The following NTN1 variants were observed in gnomAD, a reference collection of about 807,000 sequenced individuals.
NTN1 encodes the protein netrin 1.
A neutral mutation model predicts 54.2 loss-of-function variants in NTN1; 11 were observed. That is an observed-to-expected ratio of 0.20 (90% confidence interval 0.13 to 0.34). NTN1 has a LOEUF of 0.34. NTN1 is among the 10% of genes least tolerant of loss of function. The pLI, the probability that NTN1 is intolerant of heterozygous loss-of-function variation, is 1.00. For missense variants in NTN1, 740 were observed against 893.1 expected, an observed-to-expected ratio of 0.83 and a Z score of 2.18; for synonymous variants, 371 against 382.0, an observed-to-expected ratio of 0.97 and a Z score of 0.33.
chr17:9,010,590 C>T, the NTN1 span, among the ~76,000 whole-genome samples: 1 of 152,190 alleles, frequency 6.6e-6, no homozygotes, highest in East Asian at 1.9e-4. Flanking sequence ...GAAGAAGACT[C>T]TTAATTCTGG....
At chr17:9,163,147 GACACACAC>G (rs56255655) in intron 3 of NTN1, 146 bp downstream of exon 3, 6,961 of 522,876 alleles carry the variant, frequency 0.013, 68 homozygotes, top group African/African-American at 0.054. Context: ...CTCTCTCTGT[GACACACAC>G]ACACACACAC....
chr17:9,034,649 T>C (rs6503168), intron 2 of NTN1, among the ~76,000 whole-genome samples: 120,574 of 151,612 alleles, frequency 0.8, 48,412 homozygotes, highest in African/African-American at 0.89. Context: ...TCTCGAACTC[T>C]TGACCTCAGG....
At chr17:9,231,284 C>T (rs1192189492) in intron 6 of NTN1, among the ~76,000 whole-genome samples, 1 of 125,098 alleles carries the variant, frequency 8.0e-6, no homozygotes, top group African/African-American at 2.8e-5. Flanking sequence ...TCTGAGATAC[C>T]ATGGGGTACC....
At chr17:9,238,604 GT>G (rs1485585862) in intron 6 of NTN1, among the ~76,000 whole-genome samples, 4 of 152,178 alleles carry the variant, frequency 2.6e-5, no homozygotes, top group African/African-American at 9.7e-5. Flanking sequence ...TGCAGTCACA[GT>G]TGTTTGAGAA....
chr17:9,179,781 A>G (rs1339756779), intron 3 of NTN1, 26 bp from the exon 4 acceptor site: 2 of 1,607,674 alleles, frequency 1.2e-6, no homozygotes, highest in Non-Finnish European at 1.7e-6. Context: ...CCCTTGTCTG[A>G]CCCTCCCATT....
chr17:9,076,455 T>C (rs2092050103), intron 2 of NTN1, among the ~76,000 whole-genome samples: 1 of 152,194 alleles, frequency 6.6e-6, no homozygotes, highest in Non-Finnish European at 1.5e-5. Flanking sequence ...TCACTACAGC[T>C]GTGAGCTCCT....
Position 9,179,771 on chromosome 17 carries a change from C to T in NTN1, c.1208-36C>T, listed in dbSNP as rs1597522490. On this transcript the variant is annotated intron_variant, in intron 3 of 6. Coordinates refer to ENST00000173229, the MANE Select transcript of NTN1 (RefSeq NM_004822.3). ...CTGCGGGGATGCACTGGCCGCTTCC[C>T]CCTTGTCTGACCCTCCCATTTTGTG... 4 of 1,602,554 alleles carry T rather than the reference C, an allele frequency of 2.5e-6. No individual in the cohort carries two copies. The East Asian group carries it at 9.0e-5, about 36-fold the overall frequency.
intron 2 of NTN1, among the ~76,000 whole-genome samples, chr17:9,125,455 T>TGACCTCA (rs1158105564): frequency 2.0e-5 from 3 of 152,100 alleles, no homozygotes; most frequent in Admixed American, 2.0e-4. Context: ...CTTGAACTCC[T>TGACCTCA]GACCTCAGAT....
In NTN1 at chr17:9,022,967, G is replaced by T; in HGVS notation, c.594G>T (p.Glu198Asp). Residue 198 changes from glutamate (E) to aspartate (D), a missense_variant, in exon 2 of 7, where the codon GAG becomes GAT. Coordinates refer to ENST00000173229, the MANE Select transcript of NTN1 (RefSeq NM_004822.3). The part of the protein sequence containing the change: ...PHRAPITKQN[E>D]QEAVCTDSHT... ...GCGCGCCCATCACCAAGCAGAACGA[G>T]CAGGAGGCCGTGTGCACCGACTCGC... The T allele has an allele frequency of 6.2e-7, 1 of 1,611,096 alleles. No individual in the cohort carries two copies. Among genetic ancestry groups the T allele is most frequent in the Non-Finnish European group, 8.5e-7 (1 of 1,179,446 alleles).
intron 6 of NTN1, among the ~76,000 whole-genome samples, chr17:9,226,161 T>TGGGGGGGGGG (rs148213778): frequency 2.4e-3 from 287 of 117,942 alleles, no homozygotes; most frequent in Non-Finnish European, 2.8e-3. Context: ...GGATTTGGGG[T>TGGGGGGGGGG]CGGGGGGGGG....
At chr17:9,091,348 A>G (rs939486436) in intron 2 of NTN1, among the ~76,000 whole-genome samples, 7 of 151,968 alleles carry the variant, frequency 4.6e-5, no homozygotes, top group African/African-American at 9.7e-5. Flanking sequence ...CAAAACTCCT[A>G]GGTTCAAGGG....
chr17:9,052,900 C>G (rs1213494690), intron 2 of NTN1, among the ~76,000 whole-genome samples: 1 of 152,266 alleles, frequency 6.6e-6, no homozygotes, highest in Non-Finnish European at 1.5e-5. Flanking sequence ...TACCACCTCT[C>G]TGTCCCTGTG....
chr17:9,151,737 CCTGTGG>C (rs1002076803), intron 2 of NTN1, among the ~76,000 whole-genome samples: 3 of 152,132 alleles, frequency 2.0e-5, no homozygotes, highest in African/African-American at 7.2e-5. Context: ...ACGGAGGGTC[CCTGTGG>C]AGAGGTGAAG....
At chr17:9,170,145 G>A (rs2142306200) in intron 3 of NTN1, among the ~76,000 whole-genome samples, 1 of 152,158 alleles carries the variant, frequency 6.6e-6, no homozygotes, top group East Asian at 1.9e-4. Context: ...CCACAGTTCA[G>A]GCTCCACCTC....
intron 2 of NTN1, among the ~76,000 whole-genome samples, chr17:9,056,117 C>T (rs563989401): frequency 2.2e-4 from 33 of 152,164 alleles, no homozygotes; most frequent in African/African-American, 7.0e-4. Flanking sequence ...AGTACAACGG[C>T]GTGACCTCTG....
At chr17:9,124,143 A>T (rs1002651065) in intron 2 of NTN1, among the ~76,000 whole-genome samples, 1 of 152,160 alleles carries the variant, frequency 6.6e-6, no homozygotes, top group Non-Finnish European at 1.5e-5. Flanking sequence ...ACCACATCTC[A>T]TAATCACATC....
chr17:9,163,450 T>C (rs1054573754), intron 3 of NTN1, among the ~76,000 whole-genome samples: 1 of 117,520 alleles, frequency 8.5e-6, no homozygotes, highest in African/African-American at 3.2e-5. Flanking sequence ...TTTGGATATG[T>C]GCGCACCGCC....
intron 2 of NTN1, among the ~76,000 whole-genome samples, chr17:9,130,742 C>T (rs2092262052): frequency 6.6e-6 from 1 of 152,170 alleles, no homozygotes; most frequent in Non-Finnish European, 1.5e-5. Flanking sequence ...GTGGTTTCTT[C>T]CTCCTCTGTC....
At chr17:9,066,592 C>T (rs2092015663) in intron 2 of NTN1, among the ~76,000 whole-genome samples, 1 of 152,014 alleles carries the variant, frequency 6.6e-6, no homozygotes. Flanking sequence ...TGTGCCACTG[C>T]ACTCCAGCCT....
Sources: allele counts gnomAD v4.1 joint callset (sites outside exome capture counted in the v4.1 genomes callset), GRCh38; gene constraint gnomAD v4.1.1; transcripts MANE v1.5; gene names NCBI Gene and HGNC (gene_info 2026-07-23, HGNC 2026-07-21).